Variants in NPRL3 observed in about 807,000 individuals in gnomAD.
NPRL3 encodes GATOR1 complex protein NPRL3.
A neutral mutation model predicts 57.2 loss-of-function variants in NPRL3; 23 were observed. The observed-to-expected ratio is 0.40, with a 90% confidence interval of 0.29 to 0.57. NPRL3 has a LOEUF of 0.57. Among genes scored for constraint, NPRL3 ranks in the 20% least tolerant of loss-of-function variants. The pLI is 0.42. For synonymous variants in NPRL3, 333 were observed against 321.1 expected (o/e 1.04, Z -0.39); for missense variants, 691 against 767.1 (o/e 0.90, Z 1.17).
At chr16:114,766 C>T (rs542439963) in intron 5 of NPRL3, among the ~76,000 whole-genome samples, 2 of 152,012 alleles carry the variant, frequency 1.3e-5, no homozygotes, top group South Asian at 2.1e-4. Flanking sequence ...GTATCATGGC[C>T]GAAAATTAAG....
rs147626522 is a variant in NPRL3 at position 94,415 on chromosome 16, G to A, written c.925-1090C>T. 5.4e-4 allele frequency among the ~76,000 whole-genome samples: 82 copies of A among 152,322 alleles called. No individual in the cohort carries two copies. The East Asian group carries it at 0.014, about 25-fold the overall frequency. On this transcript the variant is annotated intron_variant, in intron 9 of 13. Coordinates refer to ENST00000611875, the MANE Select transcript of NPRL3 (RefSeq NM_001077350.3). Reference sequence around the variant, plus strand: ...TGAGTCACCCCTGCCTGGACACCGTGCTGCCCTGCTGCTGAGGACACTTAT... The same window carrying A: ...TGAGTCACCCCTGCCTGGACACCGTACTGCCCTGCTGCTGAGGACACTTAT...
intron 3 of NPRL3, among the ~76,000 whole-genome samples, chr16:122,469 G>A (rs1293545303): frequency 1.3e-5 from 2 of 152,166 alleles, no homozygotes; most frequent in East Asian, 3.8e-4. Flanking sequence ...TGAGATTGGG[G>A]GTGGGGCAAA....
chr16:91,415 A>G (rs2141905454), intron 11 of NPRL3, among the ~76,000 whole-genome samples: 1 of 152,344 alleles, frequency 6.6e-6, no homozygotes, highest in South Asian at 2.1e-4. Context: ...GCTTCCCAGC[A>G]CTGGAGCCCA....
intron 2 of NPRL3, among the ~76,000 whole-genome samples, chr16:133,129 G>C (rs528280697): frequency 6.6e-6 from 1 of 152,328 alleles, no homozygotes; most frequent in African/African-American, 2.4e-5. Context: ...TTTGGTTTAA[G>C]AGAATATTGT....
intron 9 of NPRL3, 141 bp downstream of exon 9, chr16:98,004 G>A (rs937330627): frequency 1.9e-6 from 2 of 1,030,684 alleles, no homozygotes; most frequent in Admixed American, 2.5e-5. Flanking sequence ...GCCATCCCAG[G>A]GACTGGCCCC....
At position 102,153 on chromosome 16, in the gene NPRL3, C is replaced by T. The variant is rs113480899; in HGVS notation, c.630-1644G>A. Among the ~76,000 whole-genome samples the T allele has an allele frequency of 3.8e-3, 575 of 152,256 alleles. 4 individuals are homozygous for T. Among genetic ancestry groups the T allele is most frequent in the Non-Finnish European group, 6.6e-3 (451 of 67,994 alleles). The stretch of plus-strand genomic sequence containing the variant: ...CAGCCCACGTCATCCCCTCGGGGAA[C>T]CACACAAAACAAGGAAGGAGTTGTT... On this transcript the variant is annotated intron_variant, in intron 7 of 13. Transcript: ENST00000611875.
At chr16:131,133 G>A (rs554592138) in intron 2 of NPRL3, among the ~76,000 whole-genome samples, 57 of 152,288 alleles carry the variant, frequency 3.7e-4, no homozygotes, top group South Asian at 1.7e-3. Flanking sequence ...TCAGGAGTTC[G>A]AAACCAGCCT....
chr16:100,253 C>T, intron 8 of NPRL3, 119 bp downstream of exon 8: 1 of 1,112,218 alleles, frequency 9.0e-7, no homozygotes, highest in South Asian at 2.2e-5. Flanking sequence ...CACCTGCAAG[C>T]TTCCGCAGTG....
intron 2 of NPRL3, among the ~76,000 whole-genome samples, chr16:132,841 T>C (rs896939145): frequency 6.6e-6 from 1 of 152,122 alleles, no homozygotes; most frequent in African/African-American, 2.4e-5. Flanking sequence ...GGCTAATTTT[T>C]TGTATTTTTA....
In NPRL3 at chr16:85,597, T is replaced by C; in HGVS notation, c.*1108A>G. On this transcript the variant is annotated 3_prime_UTR_variant, in exon 14 of 14. Coordinates refer to ENST00000611875, the MANE Select transcript of NPRL3 (RefSeq NM_001077350.3). ...TTGACCAGAGGGACCTGGCACAGGA[T>C]GAAGCTGTATGGCTGGAGCGTGGTC... 1 of 1,611,588 alleles carries C rather than the reference T, an allele frequency of 6.2e-7. No homozygotes were observed. Among genetic ancestry groups the C allele is most frequent in the African/African-American group, 1.3e-5 (1 of 75,024 alleles).
chr16:131,478 C>CAAA (rs35711713), intron 2 of NPRL3, among the ~76,000 whole-genome samples: 1 of 98,488 alleles, frequency 1.0e-5, no homozygotes, highest in Non-Finnish European at 1.9e-5. Flanking sequence ...GACTCCGTCT[C>CAAA]AAAAAAAAAA....
chr16:116,394 T>C (rs948011144), intron 5 of NPRL3, among the ~76,000 whole-genome samples: 1 of 152,194 alleles, frequency 6.6e-6, no homozygotes, highest in Non-Finnish European at 1.5e-5. Context: ...GCTATGAAAA[T>C]GCAAATACTA....
In NPRL3 at chr16:111,386, G is replaced by GA. The variant is rs935882252; in HGVS notation, c.548-781dup. Among the ~76,000 whole-genome samples, 219 of 151,458 alleles carry GA rather than the reference G, an allele frequency of 1.4e-3. 1 individual carries two copies. Among genetic ancestry groups the GA allele is most frequent in the African/African-American group, 5.1e-3 (211 of 41,368 alleles). ...CTGCACTCCAGCCTGGGTGACAGAG[G>GA]AAAAAACAAAAGAAAAACTTTATAT... On this transcript the variant is annotated intron_variant, in intron 6 of 13. Coordinates refer to ENST00000611875, the MANE Select transcript of NPRL3 (RefSeq NM_001077350.3).
intron 7 of NPRL3, among the ~76,000 whole-genome samples, chr16:102,024 G>A (rs989769751): frequency 1.2e-4 from 18 of 152,120 alleles, no homozygotes; most frequent in Non-Finnish European, 2.5e-4. Flanking sequence ...ACATAGGCAC[G>A]GAGCTGCATT....
At chr16:127,687 C>T (rs1206041940) in intron 3 of NPRL3, among the ~76,000 whole-genome samples, 2 of 148,892 alleles carry the variant, frequency 1.3e-5, no homozygotes, top group East Asian at 4.0e-4. Flanking sequence ...CGGAGTCTCA[C>T]TCTGTTGCCC....
intron 4 of NPRL3, among the ~76,000 whole-genome samples, chr16:117,671 C>T (rs1900103825): frequency 6.6e-6 from 1 of 152,218 alleles, no homozygotes; most frequent in African/African-American, 2.4e-5. Flanking sequence ...CCCAGACCCA[C>T]ACCCCCACTG....
chr16:137,902 T>C (rs1264072149), intron 2 of NPRL3, among the ~76,000 whole-genome samples: 1 of 152,096 alleles, frequency 6.6e-6, no homozygotes, highest in Non-Finnish European at 1.5e-5. Context: ...CCAAACTCAT[T>C]TTATTTTATT....
intron 2 of NPRL3, among the ~76,000 whole-genome samples, chr16:136,556 G>C (rs1901089641): frequency 6.6e-6 from 1 of 152,012 alleles, no homozygotes; most frequent in African/African-American, 2.4e-5. Context: ...GCTGGGCATG[G>C]TGGCGCATGC....
At chr16:109,753 G>A (rs1262689037) in intron 7 of NPRL3, among the ~76,000 whole-genome samples, 1 of 152,080 alleles carries the variant, frequency 6.6e-6, no homozygotes, top group Non-Finnish European at 1.5e-5. Flanking sequence ...GTGAAATTGT[G>A]GATCTTAACC....
Sources: gnomAD v4.1 joint callset for allele counts (sites outside exome capture counted in the v4.1 genomes callset) on GRCh38, gnomAD v4.1.1 for gene constraint, MANE v1.5 for transcripts, NCBI Gene and HGNC (gene_info 2026-07-23, HGNC 2026-07-21) for gene names.